Variants in PIP4K2A observed in about 807,000 individuals in gnomAD.
PIP4K2A encodes the protein phosphatidylinositol 5-phosphate 4-kinase type-2 alpha.
Under a neutral mutation model 42.9 loss-of-function variants are expected in PIP4K2A, and 14 were observed. The ratio of observed to expected loss-of-function variants is 0.33; its 90% CI spans 0.22 to 0.51. The LOEUF is 0.51. Among genes scored for constraint, PIP4K2A ranks in the 20% least tolerant of loss-of-function variants. The pLI is 0.97. For missense variants in PIP4K2A, 434 were observed against 519.8 expected (o/e 0.83, Z 1.61); for synonymous variants, 192 against 192.2 (o/e 1.00, Z 0.01).
At chr10:22,625,097 A>T (rs1778311) in intron 1 of PIP4K2A, among the ~76,000 whole-genome samples, 1 of 152,180 alleles carries the variant, frequency 6.6e-6, no homozygotes, top group Non-Finnish European at 1.5e-5. Flanking sequence ...GAAAAGGAGC[A>T]TAATAATTTC....
Position 22,537,066 on chromosome 10 carries a change from T to C in PIP4K2A, c.*135A>G. On this transcript the variant is annotated 3_prime_UTR_variant, in exon 10 of 10. Transcript: ENST00000376573. ...GCGAGTAGCCCCCAAATCAGTCATC[T>C]TGGCCTGAAGATGTAAACAAGGAGG... 1 of 649,410 alleles carries C rather than the reference T, an allele frequency of 1.5e-6. No homozygotes were observed. Among genetic ancestry groups the C allele is most frequent in the South Asian group, 1.9e-5 (1 of 51,936 alleles). The allele number at this position is 649,410 out of a possible 1,614,324, so 40.2% of individuals were successfully genotyped here.
At chr10:22,619,350 T>C (rs1161181315) in intron 1 of PIP4K2A, among the ~76,000 whole-genome samples, 2 of 151,994 alleles carry the variant, frequency 1.3e-5, no homozygotes, top group East Asian at 1.9e-4. Context: ...CAGCTGAAAA[T>C]GTCTGGGAAA....
At chr10:22,554,510 T>C (rs1380286049) in intron 6 of PIP4K2A, among the ~76,000 whole-genome samples, 3 of 152,170 alleles carry the variant, frequency 2.0e-5, no homozygotes, top group African/African-American at 7.2e-5. Context: ...ATGAGTGTCT[T>C]TGATATCTTT....
At chr10:22,562,124 C>T (rs1836721794) in intron 6 of PIP4K2A, among the ~76,000 whole-genome samples, 1 of 152,068 alleles carries the variant, frequency 6.6e-6, no homozygotes, top group South Asian at 2.1e-4. Context: ...TTTGTGAACA[C>T]AATGAATGGT....
At chr10:22,686,184 G>T (rs1248661945) in intron 1 of PIP4K2A, among the ~76,000 whole-genome samples, 1 of 152,182 alleles carries the variant, frequency 6.6e-6, no homozygotes, top group Non-Finnish European at 1.5e-5. Context: ...TCAGGAACAG[G>T]AAACTCATTA....
intron 9 of PIP4K2A, among the ~76,000 whole-genome samples, chr10:22,538,658 C>T (rs1836002250): frequency 6.6e-6 from 1 of 152,192 alleles, no homozygotes; most frequent in Non-Finnish European, 1.5e-5. Flanking sequence ...CTTCTGAAGA[C>T]CCCTCCCTCA....
At chr10:22,628,692 T>C (rs1349889409) in intron 1 of PIP4K2A, among the ~76,000 whole-genome samples, 1 of 152,168 alleles carries the variant, frequency 6.6e-6, no homozygotes, top group East Asian at 1.9e-4. Flanking sequence ...CATAGGTAGA[T>C]TGAAAAATTT....
intron 4 of PIP4K2A, among the ~76,000 whole-genome samples, chr10:22,590,043 T>C (rs1280635514): frequency 6.6e-6 from 1 of 152,124 alleles, no homozygotes; most frequent in African/African-American, 2.4e-5. Context: ...GTGCCCTTAT[T>C]AGAAGTGACA....
intron 1 of PIP4K2A, among the ~76,000 whole-genome samples, chr10:22,693,257 T>C (rs1324255695): frequency 6.6e-6 from 1 of 152,162 alleles, no homozygotes; most frequent in South Asian, 2.1e-4. Flanking sequence ...GTAAATGTGT[T>C]TTTCTCTCCC....
At position 22,540,192 on chromosome 10, in the gene PIP4K2A, G is replaced by A. The variant is rs558436301; in HGVS notation, c.1037-118C>T. The A allele has an allele frequency of 4.8e-4, 330 of 692,026 alleles. No homozygotes were observed. In the African/African-American group the frequency reaches 4.9e-3, roughly 10 times the overall value. 42.9% of individuals were successfully genotyped at this position (692,026 alleles called of 1,614,324 possible). A position where few individuals can be genotyped will look rare whatever the true frequency, so the allele number is the denominator to read the frequency against. ...GGAGGGAGGGGATTCAATGGAACGC[G>A]GATGGAAGGAGTCCAGAGACAAACT... On this transcript the variant is annotated intron_variant, in intron 8 of 9. Transcript: ENST00000376573.
At chr10:22,660,686 C>T (rs565269406) in intron 1 of PIP4K2A, among the ~76,000 whole-genome samples, 2 of 152,232 alleles carry the variant, frequency 1.3e-5, no homozygotes, top group Admixed American at 1.3e-4. Context: ...AAGAACCTAA[C>T]CTTAATTTCA....
In PIP4K2A at chr10:22,701,152, T is replaced by G. The variant is rs142599137; in HGVS notation, c.144+13031A>C. 1.3e-3 allele frequency among the ~76,000 whole-genome samples: 191 copies of G among 152,322 alleles called. 1 individual carries two copies. Among genetic ancestry groups the G allele is most frequent in the African/African-American group, 4.5e-3 (185 of 41,564 alleles). ...TTATTAATCCTCTTCTGTCTCACAG[T>G]ATCTGTGTGTACAATCCCAGTTGTG... On this transcript the variant is annotated intron_variant, in intron 1 of 9. Coordinates refer to ENST00000376573, the MANE Select transcript of PIP4K2A (RefSeq NM_005028.5).
chr10:22,627,352 C>T (rs1024475590), intron 1 of PIP4K2A, among the ~76,000 whole-genome samples: 3 of 151,924 alleles, frequency 2.0e-5, no homozygotes, highest in African/African-American at 7.3e-5. Context: ...GTCTCTCCCA[C>T]CAAACCACCC....
intron 6 of PIP4K2A, among the ~76,000 whole-genome samples, chr10:22,566,624 C>T (rs1836854321): frequency 2.0e-5 from 3 of 152,134 alleles, no homozygotes; most frequent in Admixed American, 2.0e-4. Flanking sequence ...ACAGGACTGG[C>T]TTCCTTCCCT....
intron 4 of PIP4K2A, among the ~76,000 whole-genome samples, chr10:22,579,464 T>C (rs1837206738): frequency 6.6e-6 from 1 of 152,202 alleles, no homozygotes; most frequent in Non-Finnish European, 1.5e-5. Flanking sequence ...CTCCACAGAG[T>C]CACGTGCACA....
chr10:22,550,357 G>A (rs1455504737), intron 7 of PIP4K2A, among the ~76,000 whole-genome samples: 2 of 152,206 alleles, frequency 1.3e-5, no homozygotes, highest in Non-Finnish European at 2.9e-5. Context: ...GGTGTGGGCA[G>A]GTCAGTCTTC....
At chr10:22,561,468 A>C (rs1836692982) in intron 6 of PIP4K2A, among the ~76,000 whole-genome samples, 1 of 152,152 alleles carries the variant, frequency 6.6e-6, no homozygotes, top group Non-Finnish European at 1.5e-5. Flanking sequence ...AAAAGTATGG[A>C]AAACTAGAAG....
At chr10:22,572,610 A>AAAAAG (rs541838199) in intron 5 of PIP4K2A, among the ~76,000 whole-genome samples, 22 of 152,046 alleles carry the variant, frequency 1.4e-4, no homozygotes, top group Admixed American at 3.3e-4. Context: ...TTCTCAAAAA[A>AAAAAG]AAAAGAAAAG....
chr10:22,709,706 T>G (rs919196809), intron 1 of PIP4K2A, among the ~76,000 whole-genome samples: 1 of 152,182 alleles, frequency 6.6e-6, no homozygotes, highest in Non-Finnish European at 1.5e-5. Flanking sequence ...GTATAAATAC[T>G]TAGAGTTCAC....
Sources: allele counts gnomAD v4.1 joint callset (sites outside exome capture counted in the v4.1 genomes callset), GRCh38; gene constraint gnomAD v4.1.1; transcripts MANE v1.5; gene names NCBI Gene and HGNC (gene_info 2026-07-23, HGNC 2026-07-21).